HGSNAT: variants seen among roughly 807,000 people sequenced by gnomAD.
HGSNAT encodes heparan-alpha-glucosaminide N-acetyltransferase.
Under a neutral mutation model 85.2 loss-of-function variants are expected in HGSNAT, and 59 were observed. That is an observed-to-expected ratio of 0.69 (90% CI 0.56 to 0.86). HGSNAT has a LOEUF of 0.86. Among genes scored for constraint, HGSNAT ranks in the 40% least tolerant of loss-of-function variants. The probability of loss-of-function intolerance (pLI) is 0.00; values close to 1 mark genes in which losing one functional copy is unlikely to be tolerated. For missense variants in HGSNAT, 756 were observed against 777.1 expected (o/e 0.97, Z 0.32); for synonymous variants, 321 against 304.5 (o/e 1.05, Z -0.56).
intron 1 of HGSNAT, among the ~76,000 whole-genome samples, chr8:43,141,571 G>A (rs992322862): frequency 2.6e-5 from 4 of 152,172 alleles, no homozygotes; most frequent in Admixed American, 1.3e-4. Context: ...CTTTGGGTAG[G>A]AGGGACGGTG....
At chr8:43,167,715 T>G (rs1803475912) in intron 5 of HGSNAT, among the ~76,000 whole-genome samples, 1 of 152,136 alleles carries the variant, frequency 6.6e-6, no homozygotes, top group Non-Finnish European at 1.5e-5. Context: ...TTTCTCTGCT[T>G]CTGTGTAACT....
chr8:43,196,914 G>A (rs1052195563), intron 14 of HGSNAT, 34 bp from the exon 15 acceptor site: 22 of 1,309,646 alleles, frequency 1.7e-5, no homozygotes, highest in South Asian at 3.6e-5. Flanking sequence ...TCCCTTTGGC[G>A]ATTCTTTTGG....
At chr8:43,145,699 C>T (rs1167895488) in intron 1 of HGSNAT, among the ~76,000 whole-genome samples, 3 of 151,652 alleles carry the variant, frequency 2.0e-5, no homozygotes, top group African/African-American at 4.8e-5. Flanking sequence ...TGCAGTGAGC[C>T]GAGATCGCGC....
At chr8:43,172,175 T>A in intron 7 of HGSNAT, 135 bp from the exon 8 acceptor site, 1 of 740,454 alleles carries the variant, frequency 1.4e-6, no homozygotes. Context: ...TGATGTCTCA[T>A]CTTGTGTAAT....
intron 1 of HGSNAT, among the ~76,000 whole-genome samples, chr8:43,142,033 GTCA>G (rs1413966569): frequency 6.6e-6 from 1 of 151,906 alleles, no homozygotes; most frequent in Non-Finnish European, 1.5e-5. Context: ...TACTAAAAAC[GTCA>G]TCATCTTCCT....
chr8:43,148,072 G>A (rs549237854), intron 2 of HGSNAT, among the ~76,000 whole-genome samples: 3 of 151,928 alleles, frequency 2.0e-5, no homozygotes, highest in African/African-American at 7.2e-5. Flanking sequence ...GAGAAACCCT[G>A]TCTCTACTAA....
chr8:43,177,367 C>A (rs548775380), intron 9 of HGSNAT, among the ~76,000 whole-genome samples: 3 of 151,474 alleles, frequency 2.0e-5, no homozygotes, highest in Non-Finnish European at 4.4e-5. Context: ...CTGGCTAACA[C>A]GGTGAAACCC....
intron 2 of HGSNAT, among the ~76,000 whole-genome samples, chr8:43,153,413 G>A (rs1034191666): frequency 9.2e-5 from 14 of 151,540 alleles, no homozygotes; most frequent in Admixed American, 3.9e-4. Context: ...ACAGTATCTC[G>A]AACTGCTGAG....
chr8:43,162,914 G>A (rs1803312757), intron 5 of HGSNAT, among the ~76,000 whole-genome samples: 1 of 152,068 alleles, frequency 6.6e-6, no homozygotes. Context: ...GGCCGGGTAC[G>A]GTGGCTCACG....
intron 9 of HGSNAT, among the ~76,000 whole-genome samples, chr8:43,177,101 G>T (rs562073696): frequency 6.6e-6 from 1 of 152,290 alleles, no homozygotes; most frequent in East Asian, 1.9e-4. Context: ...TAACAGTGGT[G>T]AAAAGTAGGC....
At chr8:43,156,721 G>C (rs1026353562) in intron 2 of HGSNAT, among the ~76,000 whole-genome samples, 1 of 152,056 alleles carries the variant, frequency 6.6e-6, no homozygotes, top group Non-Finnish European at 1.5e-5. Context: ...ATTTATAACT[G>C]TTACATCTTC....
chr8:43,142,171 A>G (rs999898077), intron 1 of HGSNAT, among the ~76,000 whole-genome samples: 1 of 152,242 alleles, frequency 6.6e-6, no homozygotes, highest in Admixed American at 6.5e-5. Flanking sequence ...TGGAAAGGAA[A>G]TAAAGGTGTA....
At chr8:43,173,116 C>T (rs1803685206) in intron 8 of HGSNAT, among the ~76,000 whole-genome samples, 1 of 152,150 alleles carries the variant, frequency 6.6e-6, no homozygotes. Flanking sequence ...TCCTGAGTAG[C>T]TGGGACTACA....
rs747190192 is a variant in HGSNAT at position 43,178,120 on chromosome 8, A to G, written c.898A>G (p.Ile300Val). The G allele has an allele frequency of 9.9e-6, 16 of 1,611,844 alleles. No individual in the cohort carries two copies. The highest frequency in any genetic ancestry group is 6.7e-5 in the East Asian group (3 of 44,864). Residue 300 changes from isoleucine (I) to valine (V), a missense_variant, in exon 10 of 18, where the codon ATA (isoleucine) becomes GTA (valine). Physicochemically the swap from Ile to Val is conservative, Grantham distance 29. Coordinates refer to ENST00000379644, the MANE Select transcript of HGSNAT (RefSeq NM_152419.3). ...TTCCATTTTTCTATCGATGACTTCT[A>G]TACTGCAACGGGGGTGTTCAAAATT... The part of the protein sequence containing the change: ...GSSIFLSMTS[I>V]LQRGCSKFRL...
chr8:43,182,153 G>GAC lies in HGSNAT; in HGVS notation c.1023_1024dup (p.Lys342ThrfsTer14). 6.2e-7 allele frequency: 1 copy of GAC among 1,613,770 alleles called. No individual in the cohort carries two copies. The highest frequency in any genetic ancestry group is 8.5e-7 in the Non-Finnish European group (1 of 1,179,690). On this transcript the variant is annotated frameshift_variant, in exon 11 of 18. Coordinates refer to ENST00000379644, the MANE Select transcript of HGSNAT (RefSeq NM_152419.3). LOFTEE classifies it high-confidence loss of function. ...ACTTGTGTCTTTTGCAGTGTCTTGG[G>GAC]ACAAGGTGCGCATTCCTGGTGTGCT... is the stretch of plus-strand genomic sequence containing the variant.
chr8:43,163,304 G>A (rs1803326845), intron 5 of HGSNAT, among the ~76,000 whole-genome samples: 1 of 152,090 alleles, frequency 6.6e-6, no homozygotes, highest in Non-Finnish European at 1.5e-5. Context: ...CAGCCTGCGG[G>A]CAGAATGCTC....
intron 5 of HGSNAT, among the ~76,000 whole-genome samples, 153 bp from the exon 6 acceptor site, chr8:43,169,020 A>T (rs1048456372): frequency 2.0e-5 from 3 of 152,100 alleles, no homozygotes; most frequent in African/African-American, 7.2e-5. Flanking sequence ...GAAAATTGTG[A>T]TTTCTATTTT....
At chr8:43,142,206 C>T (rs752823359) in intron 1 of HGSNAT, among the ~76,000 whole-genome samples, 30 of 152,084 alleles carry the variant, frequency 2.0e-4, no homozygotes, top group East Asian at 1.9e-4. Flanking sequence ...CATTTATCCC[C>T]GCACCATTGG....
intron 2 of HGSNAT, among the ~76,000 whole-genome samples, chr8:43,156,216 T>C (rs1803090385): frequency 6.6e-6 from 1 of 152,258 alleles, no homozygotes; most frequent in Admixed American, 6.5e-5. Context: ...CCATAGGTTT[T>C]GGAATGTTGT....
Sources: gnomAD v4.1 joint callset for allele counts (sites outside exome capture counted in the v4.1 genomes callset) on GRCh38, gnomAD v4.1.1 for gene constraint, MANE v1.5 for transcripts, NCBI Gene and HGNC (gene_info 2026-07-23, HGNC 2026-07-21) for gene names.